Variants in P4HA2 observed in about 807,000 individuals in gnomAD.
The protein encoded by P4HA2 is prolyl 4-hydroxylase subunit alpha 2.
A neutral mutation model predicts 76.9 loss-of-function variants in P4HA2; 46 were observed. That is an observed-to-expected ratio of 0.60 (90% confidence interval 0.47 to 0.76). The LOEUF is 0.76. Among genes scored for constraint, P4HA2 ranks in the 30% least tolerant of loss-of-function variants. The probability of loss-of-function intolerance (pLI) is 0.00; values close to 1 mark genes in which losing one functional copy is unlikely to be tolerated. For missense variants in P4HA2, 583 were observed against 669.4 expected (o/e 0.87, Z 1.42); for synonymous variants, 243 against 254.0 (o/e 0.96, Z 0.41).
Position 132,207,803 on chromosome 5 carries a change from C to CT in P4HA2, c.984dup (p.Glu329ArgfsTer19). ...TGCGGGCTGTCCCACTCGTCCTCCT[C>CT]TTTGAAGGGGGCAATGAGCAGCTGT... On this transcript the variant is annotated frameshift_variant, in exon 8 of 15. Coordinates refer to ENST00000360568, the MANE Select transcript of P4HA2 (RefSeq NM_001017974.2). LOFTEE classifies it high-confidence loss of function. The CT allele has an allele frequency of 6.2e-7, 1 of 1,612,994 alleles. No individual in the cohort carries two copies. Among genetic ancestry groups the CT allele is most frequent in the South Asian group, 1.1e-5 (1 of 90,886 alleles).
chr5:132,209,678 G>A (rs114661159), intron 6 of P4HA2, among the ~76,000 whole-genome samples: 2,833 of 150,626 alleles, frequency 0.019, 79 homozygotes, highest in African/African-American at 0.061. Flanking sequence ...GGGAGGCTGA[G>A]GCAGGAAAAT....
chr5:132,217,067 C>G (rs1754004961), intron 4 of P4HA2, 130 bp downstream of exon 4: 2 of 792,390 alleles, frequency 2.5e-6, no homozygotes, highest in African/African-American at 1.7e-5. Flanking sequence ...GCCATGAGAC[C>G]AGCAGGGTCC....
At position 132,207,891 on chromosome 5, in the gene P4HA2, A is replaced by T; in HGVS notation, c.904-7T>A. The T allele has an allele frequency of 6.4e-7, 1 of 1,559,474 alleles. No homozygotes were observed. On this transcript the variant is annotated splice_polypyrimidine_tract_variant and splice_region_variant and intron_variant, in intron 7 of 14. Coordinates refer to ENST00000360568, the MANE Select transcript of P4HA2 (RefSeq NM_001017974.2). ...TCTTCTGTCTACGGGGTGTCTGGAA[A>T]GCACAGAGTAACAGGCCCTGAGCTG...
chr5:132,198,772 A>G, intron 11 of P4HA2, 107 bp downstream of exon 11: 1 of 788,068 alleles, frequency 1.3e-6, no homozygotes, highest in Non-Finnish European at 2.2e-6. Context: ...GAGGGAGGAC[A>G]AGGGGTGGGG....
chr5:132,209,460 T>C, intron 6 of P4HA2, 129 bp from the exon 7 acceptor site: 1 of 783,282 alleles, frequency 1.3e-6, no homozygotes, highest in Admixed American at 2.4e-5. Flanking sequence ...TTCCACAGCA[T>C]CTAACCAGAG....
chr5:132,207,708 T>C lies in P4HA2; in HGVS notation c.1080A>G (p.Lys360=). The change falls in exon 8 of 15, where the codon AAA becomes AAG. Residue 360 remains lysine (K), a splice_region_variant and synonymous_variant. Coordinates refer to ENST00000360568, the MANE Select transcript of P4HA2 (RefSeq NM_001017974.2). ...GAGAAGGACCTACAGTGACACCTAC[T>C]TTAGGTTTTGCGATCTCCTTGATCC... The part of the protein sequence containing the change: ...IERIKEIAKP[K]LARATVRDPK... The C allele has an allele frequency of 6.2e-7, 1 of 1,613,364 alleles. No homozygotes were observed. The highest frequency in any genetic ancestry group is 1.1e-5 in the South Asian group (1 of 91,056).
chr5:132,203,582 C>A (rs1419896827), intron 10 of P4HA2, 166 bp downstream of exon 10: 2 of 605,898 alleles, frequency 3.3e-6, no homozygotes, highest in Non-Finnish European at 6.0e-6. Context: ...TGAAAGCCAG[C>A]AGGCATGATT....
At chr5:132,209,608 C>G (rs577498971) in intron 6 of P4HA2, among the ~76,000 whole-genome samples, 15 of 152,114 alleles carry the variant, frequency 9.9e-5, no homozygotes, top group Admixed American at 6.5e-4. Context: ...CATGGTAAAA[C>G]CTCATCTCTA....
At chr5:132,223,861 C>T (rs893747133) in intron 1 of P4HA2, among the ~76,000 whole-genome samples, 4 of 152,170 alleles carry the variant, frequency 2.6e-5, no homozygotes, top group African/African-American at 9.7e-5. Context: ...AAGAGTCAAA[C>T]CCAAAACACA....
intron 8 of P4HA2, among the ~76,000 whole-genome samples, chr5:132,205,295 G>C (rs1168986087): frequency 6.6e-6 from 1 of 152,156 alleles, no homozygotes; most frequent in Non-Finnish European, 1.5e-5. Context: ...CAGGAACAGG[G>C]AAAGAGCAGC....
At chr5:132,205,495 C>T (rs1366897313) in intron 8 of P4HA2, among the ~76,000 whole-genome samples, 2 of 152,054 alleles carry the variant, frequency 1.3e-5, no homozygotes, top group African/African-American at 2.4e-5. Context: ...TAAAATGGAT[C>T]ACTGTGAATA....
intron 8 of P4HA2, 98 bp downstream of exon 8, chr5:132,207,610 G>C: frequency 1.1e-6 from 1 of 947,256 alleles, no homozygotes; most frequent in Non-Finnish European, 1.7e-6. Context: ...ATGGATAAAG[G>C]GTGGCTAGAT....
At chr5:132,199,011 T>C (rs1387936846) in intron 10 of P4HA2, 79 bp from the exon 11 acceptor site, 1 of 979,674 alleles carries the variant, frequency 1.0e-6, no homozygotes, top group Non-Finnish European at 1.6e-6. Flanking sequence ...GGATACCATC[T>C]TCCCAGGCCT....
At position 132,191,499 on chromosome 5, in the gene P4HA2, G is replaced by A. The variant is rs982177458; in HGVS notation, c.*1511C>T. Reference sequence around the variant, plus strand: ...TGCACTCCAGCCTGGGCGACAGAGCGAGACTCCGTCTCAAAAAAAAAAAAA... The same window carrying A: ...TGCACTCCAGCCTGGGCGACAGAGCAAGACTCCGTCTCAAAAAAAAAAAAA... On this transcript the variant is annotated 3_prime_UTR_variant, in exon 15 of 15. Transcript: ENST00000360568. Among the ~76,000 whole-genome samples, 2 of 133,736 alleles carry A rather than the reference G, an allele frequency of 1.5e-5. No homozygotes were observed. The highest frequency in any genetic ancestry group is 3.1e-5 in the Non-Finnish European group (2 of 64,992). 87.7% of individuals were successfully genotyped at this position (133,736 alleles called of 152,430 possible). A position where few individuals can be genotyped will look rare whatever the true frequency, so the allele number is the denominator to read the frequency against.
chr5:132,199,048 G>A, intron 10 of P4HA2, 116 bp from the exon 11 acceptor site: 1 of 724,496 alleles, frequency 1.4e-6, no homozygotes, highest in South Asian at 1.6e-5. Context: ...CCCAAGAGCA[G>A]CCTCTCTAAG....
intron 5 of P4HA2, among the ~76,000 whole-genome samples, chr5:132,212,013 A>G (rs1039637551): frequency 3.9e-5 from 6 of 152,168 alleles, no homozygotes; most frequent in African/African-American, 1.2e-4. Context: ...CCCAGAGCCA[A>G]CTCGAATGTC....
chr5:132,206,532 G>A (rs930521596), intron 8 of P4HA2, among the ~76,000 whole-genome samples: 2 of 152,142 alleles, frequency 1.3e-5, no homozygotes, highest in African/African-American at 2.4e-5. Flanking sequence ...ATAGAGAATC[G>A]AGCTAAATCC....
intron 1 of P4HA2, among the ~76,000 whole-genome samples, chr5:132,224,399 C>G (rs2126640888): frequency 6.6e-6 from 1 of 152,322 alleles, no homozygotes; most frequent in Middle Eastern, 3.4e-3. Flanking sequence ...TAGCCCTGCA[C>G]TAGGCATAAT....
In P4HA2 at chr5:132,209,051, A is replaced by G. The variant is rs189466342; in HGVS notation, c.903+87T>C. 2.6e-4 allele frequency: 244 copies of G among 955,046 alleles called. 2 individuals carry two copies. In the East Asian group the frequency reaches 4.1e-3, roughly 16 times the overall value. 59.2% of individuals were successfully genotyped at this position (955,046 alleles called of 1,614,324 possible). On this transcript the variant is annotated intron_variant, in intron 7 of 14. Transcript: ENST00000360568. ...ATATACTGAGAAAAGTACCTACAGA[A>G]TAAAGAACACCTTCCCCAAATCTGC...
Sources: allele counts gnomAD v4.1 joint callset (sites outside exome capture counted in the v4.1 genomes callset), GRCh38; gene constraint gnomAD v4.1.1; transcripts MANE v1.5; gene names NCBI Gene and HGNC (gene_info 2026-07-23, HGNC 2026-07-21).